RALB: variants seen among roughly 807,000 people sequenced by gnomAD.
The protein encoded by RALB is RAS like proto-oncogene B, also known as ras-related protein Ral-B.
In RALB, 16 loss-of-function variants were observed where a neutral mutation model predicts 21.3. The ratio of observed to expected loss-of-function variants is 0.75; its 90% CI spans 0.51 to 1.14. The LOEUF (loss-of-function observed/expected upper bound fraction) is 1.14, where lower values mean the gene tolerates loss of function less well. Ranked by LOEUF, RALB falls within the 50% of genes most tolerant of loss-of-function variation. RALB has a pLI of 0.00. For synonymous variants in RALB, 93 were observed against 96.1 expected, an observed-to-expected ratio of 0.97 and a Z score of 0.19; for missense variants, 161 against 256.2, an observed-to-expected ratio of 0.63 and a Z score of 2.54.
chr2:120,287,040 A>G (rs1280038915), intron 3 of RALB, among the ~76,000 whole-genome samples: 1 of 152,244 alleles, frequency 6.6e-6, no homozygotes, highest in Non-Finnish European at 1.5e-5. Flanking sequence ...ATCTATCTAG[A>G]TGACTTTTTA....
intron 2 of RALB, among the ~76,000 whole-genome samples, chr2:120,285,642 A>G (rs766193228): frequency 2.0e-5 from 3 of 152,204 alleles, no homozygotes; most frequent in African/African-American, 4.8e-5. Flanking sequence ...AATATTGCCA[A>G]GTGTTCTGCT....
At chr2:120,283,031 A>G (rs894084389) in intron 2 of RALB, among the ~76,000 whole-genome samples, 1 of 151,936 alleles carries the variant, frequency 6.6e-6, no homozygotes, top group African/African-American at 2.4e-5. Context: ...AAAAAAAAAA[A>G]CACCTCCTGA....
intron 2 of RALB, among the ~76,000 whole-genome samples, chr2:120,283,867 G>A (rs1690056701): frequency 6.6e-6 from 1 of 152,188 alleles, no homozygotes; most frequent in Non-Finnish European, 1.5e-5. Flanking sequence ...TTCCAGCTGA[G>A]CAATGTAAAT....
chr2:120,254,194 A>ATGTGGAGCACGG (rs1558945542), intron 1 of RALB, among the ~76,000 whole-genome samples: 4 of 152,032 alleles, frequency 2.6e-5, no homozygotes, highest in African/African-American at 9.7e-5. Context: ...GTGGAGCACG[A>ATGTGGAGCACGG]TCTTTCCCCC....
intron 1 of RALB, among the ~76,000 whole-genome samples, chr2:120,245,728 G>T (rs373691203): frequency 3.2e-4 from 49 of 152,178 alleles, no homozygotes; most frequent in African/African-American, 1.1e-3. Flanking sequence ...CCCGGGGCAG[G>T]GTGTGGAGGG....
intron 2 of RALB, among the ~76,000 whole-genome samples, chr2:120,284,076 G>A (rs983450171): frequency 2.0e-5 from 3 of 152,174 alleles, no homozygotes; most frequent in Admixed American, 1.3e-4. Flanking sequence ...GGGGACAGTC[G>A]TGTGTTGGAT....
intron 1 of RALB, 111 bp from the exon 2 acceptor site, chr2:120,278,507 C>T: frequency 9.5e-7 from 1 of 1,056,878 alleles, no homozygotes; most frequent in Admixed American, 3.8e-5. Flanking sequence ...GGATTACTTT[C>T]CTGTTGGAAT....
At chr2:120,249,522 C>A (rs1464505722), upstream of RALB, among the ~76,000 whole-genome samples, 1 of 152,272 alleles carries the variant, frequency 6.6e-6, no homozygotes, top group South Asian at 2.1e-4. Flanking sequence ...GCAGGTGCAT[C>A]TCATACTGAG....
intron 1 of RALB, among the ~76,000 whole-genome samples, chr2:120,272,869 G>T (rs189183601): frequency 1.9e-4 from 29 of 152,148 alleles, no homozygotes; most frequent in African/African-American, 6.0e-4. Context: ...TTATTATCTT[G>T]TACTGTAATC....
At chr2:120,244,189 A>G (rs771876553) in intron 1 of RALB, among the ~76,000 whole-genome samples, 4 of 152,230 alleles carry the variant, frequency 2.6e-5, no homozygotes, top group African/African-American at 9.6e-5. Flanking sequence ...CCATGATTCA[A>G]TCACCTCCTA....
At chr2:120,277,965 A>ATG (rs1000240714) in intron 1 of RALB, among the ~76,000 whole-genome samples, 1 of 124,062 alleles carries the variant, frequency 8.1e-6, no homozygotes, top group South Asian at 2.9e-4. Context: ...ATGTGAGTGA[A>ATG]TGTGTGTGAA....
At chr2:120,288,149 A>G (rs1394484344) in intron 3 of RALB, among the ~76,000 whole-genome samples, 4 of 152,196 alleles carry the variant, frequency 2.6e-5, no homozygotes, top group Admixed American at 2.0e-4. Flanking sequence ...AATGAGCCAG[A>G]AAGCTATCAG....
At chr2:120,253,344 T>C (rs1238686740) in intron 1 of RALB, 1 of 968,826 alleles carries the variant, frequency 1.0e-6, no homozygotes, top group Non-Finnish European at 1.2e-6. Context: ...GGCCGCGGCT[T>C]GGGCAGGGTC....
Position 120,252,932 on chromosome 2 carries a change from A to C in RALB, c.-96A>C, listed in dbSNP as rs1689091204. 1.0e-6 allele frequency: 1 copy of C among 984,946 alleles called. No homozygotes were observed. Among genetic ancestry groups the C allele is most frequent in the Non-Finnish European group, 1.2e-6 (1 of 830,042 alleles). The allele number at this position is 984,946 out of a possible 1,614,324, so 61.0% of individuals were successfully genotyped here. On this transcript the variant is annotated 5_prime_UTR_variant, in exon 1 of 5. The change abolishes the stop of an existing upstream ORF in the 5' untranslated region. Transcript: ENST00000272519. ...CCCGGGAGGGGGCGGGGCGCGTTTA[A>C]GAGCTGCGGGCCGGGTGCGGACGGC...
intron 1 of RALB, among the ~76,000 whole-genome samples, chr2:120,277,259 G>A (rs1689822049): frequency 6.6e-6 from 1 of 152,086 alleles, no homozygotes; most frequent in African/African-American, 2.4e-5. Context: ...GTGTATGAGA[G>A]CATAAGAGTG....
At chr2:120,259,581 C>T (rs1206123427) in intron 1 of RALB, among the ~76,000 whole-genome samples, 34 of 152,254 alleles carry the variant, frequency 2.2e-4, no homozygotes, top group Non-Finnish European at 8.8e-5. Context: ...GGTGCACTCA[C>T]AAACCTTGAG....
intron 4 of RALB, among the ~76,000 whole-genome samples, chr2:120,292,049 G>T (rs1293625391): frequency 2.6e-5 from 4 of 152,212 alleles, no homozygotes; most frequent in African/African-American, 4.8e-5. Flanking sequence ...TTCATATTTT[G>T]TCTGCTTGGG....
chr2:120,292,197 A>G (rs1301101744), intron 4 of RALB, among the ~76,000 whole-genome samples: 1 of 152,166 alleles, frequency 6.6e-6, no homozygotes, highest in Non-Finnish European at 1.5e-5. Context: ...AGTTCCTCTC[A>G]GCTGACATCA....
At chr2:120,268,097 A>G (rs995148577) in intron 1 of RALB, among the ~76,000 whole-genome samples, 6 of 152,148 alleles carry the variant, frequency 3.9e-5, no homozygotes, top group African/African-American at 1.4e-4. Flanking sequence ...GCCTAAATGA[A>G]TTTTTAAAAG....
Sources: gnomAD v4.1 joint callset for allele counts (sites outside exome capture counted in the v4.1 genomes callset) on GRCh38, gnomAD v4.1.1 for gene constraint, MANE v1.5 for transcripts, NCBI Gene and HGNC (gene_info 2026-07-23, HGNC 2026-07-21) for gene names.